The following ZNF469 variants were observed in gnomAD, a reference collection of about 807,000 sequenced individuals.
The protein encoded by ZNF469 is zinc finger protein 469.
A neutral mutation model predicts 1.0 loss-of-function variants in ZNF469; 1 was observed. The observed-to-expected ratio is 1.00, with a 90% confidence interval of 0.35 to 4.73. The LOEUF is 4.73. Among genes scored for constraint, ZNF469 ranks in the 30% most tolerant of loss-of-function variants. The pLI is 0.16. For synonymous variants in ZNF469, 2,703 were observed against 2,363.4 expected (o/e 1.14, Z -4.17); for missense variants, 6,100 against 5,356.3 (o/e 1.14, Z -4.33).
chr16:88,223,490 G>A, the ZNF469 span, among the ~76,000 whole-genome samples: 1 of 152,178 alleles, frequency 6.6e-6, no homozygotes, highest in Non-Finnish European at 1.5e-5. Flanking sequence ...ACCATGTGGG[G>A]TGTTTGCATC....
At chr16:88,228,721 G>T in the ZNF469 span, among the ~76,000 whole-genome samples, 2 of 152,264 alleles carry the variant, frequency 1.3e-5, no homozygotes, top group East Asian at 1.9e-4. Flanking sequence ...TTTCCTTCCG[G>T]CCTTGCTTTG....
chr16:88,439,004 C>A lies in ZNF469; in HGVS notation c.11534C>A (p.Pro3845His), dbSNP rs746145535. 3.9e-5 allele frequency: 61 copies of A among 1,550,334 alleles called. No individual in the cohort carries two copies. In the South Asian group the frequency reaches 5.9e-4, roughly 15 times the overall value. ...GCCCCCTCAGCCCCTGACAAGCCCC[C>A]CCGGACCCCTCGGAAGCAGGCAACT... The part of the protein sequence containing the change: ...GRAPSAPDKP[P>H]RTPRKQATPS... Residue 3845 changes from proline (P) to histidine (H), a missense_variant, in exon 3 of 3, where the codon CCC becomes CAC. Pro to His is a moderately conservative substitution (Grantham distance 77). Transcript: ENST00000565624.
At chr16:88,395,600 G>A (rs1904637178) in intron 1 of ZNF469, among the ~76,000 whole-genome samples, 2 of 152,128 alleles carry the variant, frequency 1.3e-5, no homozygotes, top group South Asian at 2.1e-4. Context: ...GTTCGTTGGT[G>A]TCAGGGATCC....
chr16:88,368,070 G>A, the ZNF469 span, among the ~76,000 whole-genome samples: 18 of 152,212 alleles, frequency 1.2e-4, no homozygotes, highest in African/African-American at 3.6e-4. Context: ...ACTTGCCTTC[G>A]CATAATAGCA....
intron 1 of ZNF469, among the ~76,000 whole-genome samples, chr16:88,415,176 G>C (rs1905272041): frequency 6.6e-6 from 1 of 152,232 alleles, no homozygotes; most frequent in South Asian, 2.1e-4. Flanking sequence ...TCATGAGGCA[G>C]TGCTGGCCCG....
chr16:88,174,849 T>C, the ZNF469 span, among the ~76,000 whole-genome samples: 1 of 152,206 alleles, frequency 6.6e-6, no homozygotes, highest in Non-Finnish European at 1.5e-5. Context: ...CAGTAGGCTA[T>C]TCGTAGTTTC....
the ZNF469 span, among the ~76,000 whole-genome samples, chr16:88,353,819 C>T: frequency 6.6e-6 from 1 of 152,162 alleles, no homozygotes; most frequent in South Asian, 2.1e-4. Context: ...CTGAGGACCG[C>T]CTGGGGCCTC....
At chr16:88,204,217 G>T in the ZNF469 span, among the ~76,000 whole-genome samples, 1 of 151,842 alleles carries the variant, frequency 6.6e-6, no homozygotes, top group Non-Finnish European at 1.5e-5. Flanking sequence ...AGAGAAGCGG[G>T]AGGCGCCCCG....
At chr16:88,234,047 T>C in the ZNF469 span, among the ~76,000 whole-genome samples, 23 of 152,342 alleles carry the variant, frequency 1.5e-4, no homozygotes, top group South Asian at 4.1e-4. Context: ...ATGAGCTCAC[T>C]GGCTTTTGTG....
the ZNF469 span, among the ~76,000 whole-genome samples, chr16:88,376,364 G>C: frequency 1.3e-5 from 2 of 152,254 alleles, no homozygotes; most frequent in Non-Finnish European, 2.9e-5. Context: ...AGCCGGGCCC[G>C]GTGTGAGGGG....
the ZNF469 span, among the ~76,000 whole-genome samples, chr16:88,108,125 G>A: frequency 5.5e-5 from 6 of 109,326 alleles, no homozygotes; most frequent in Non-Finnish European, 9.2e-5. Flanking sequence ...GGGGATGGAG[G>A]TGCACGTCTG....
chr16:88,425,165 C>T (rs965133061), intron 2 of ZNF469, among the ~76,000 whole-genome samples: 1 of 152,236 alleles, frequency 6.6e-6, no homozygotes, highest in Non-Finnish European at 1.5e-5. Flanking sequence ...CTTGACAAAG[C>T]CCCTGGGCAC....
the ZNF469 span, among the ~76,000 whole-genome samples, chr16:88,320,177 C>T: frequency 6.6e-5 from 10 of 152,214 alleles, no homozygotes; most frequent in African/African-American, 9.6e-5. Flanking sequence ...GTGCCTTGCA[C>T]GTGTTTACTA....
chr16:88,307,467 T>G, the ZNF469 span, among the ~76,000 whole-genome samples: 1 of 152,232 alleles, frequency 6.6e-6, no homozygotes, highest in South Asian at 2.1e-4. Context: ...ACGGGCAGTG[T>G]GGGAGGGTTT....
At chr16:88,395,244 T>A (rs1027397853) in intron 1 of ZNF469, among the ~76,000 whole-genome samples, 3 of 17,352 alleles carry the variant, frequency 1.7e-4, no homozygotes, top group African/African-American at 1.5e-3. Flanking sequence ...GGTAGATGGA[T>A]GGATGGATGG....
the ZNF469 span, among the ~76,000 whole-genome samples, chr16:88,203,849 C>A: frequency 8.5e-5 from 13 of 152,298 alleles, no homozygotes; most frequent in East Asian, 2.5e-3. Context: ...CTGCAAAGAG[C>A]GCATTTCCAA....
the ZNF469 span, among the ~76,000 whole-genome samples, chr16:88,229,154 A>C: frequency 2.6e-5 from 4 of 152,356 alleles, no homozygotes; most frequent in African/African-American, 9.6e-5. Context: ...AAAAAAGTCA[A>C]ACCAAGATAA....
upstream of ZNF469, among the ~76,000 whole-genome samples, chr16:88,381,278 TCA>T (rs199753521): frequency 1.4e-3 from 171 of 118,042 alleles, no homozygotes; most frequent in African/African-American, 4.7e-3. Flanking sequence ...AGACATGCAC[TCA>T]CACACACGCA....
intron 1 of ZNF469, among the ~76,000 whole-genome samples, chr16:88,416,856 C>G (rs957821876): frequency 3.3e-5 from 5 of 152,162 alleles, no homozygotes; most frequent in Non-Finnish European, 5.9e-5. Flanking sequence ...GGGAGGGGTA[C>G]CCAGGGCTCC....
Sources: allele counts gnomAD v4.1 joint callset (sites outside exome capture counted in the v4.1 genomes callset), GRCh38; gene constraint gnomAD v4.1.1; transcripts MANE v1.5; gene names NCBI Gene and HGNC (gene_info 2026-07-23, HGNC 2026-07-21).